MATK: variants seen among roughly 807,000 people sequenced by gnomAD.
The protein encoded by MATK is megakaryocyte-associated tyrosine-protein kinase.
A neutral mutation model predicts 59.8 loss-of-function variants in MATK; 41 were observed. The observed-to-expected ratio is 0.69, with a 90% CI of 0.53 to 0.89. The LOEUF is 0.89. Among genes scored for constraint, MATK ranks in the 40% least tolerant of loss-of-function variants. MATK has a pLI of 0.00. For missense variants in MATK, 593 were observed against 719.6 expected, an observed-to-expected ratio of 0.82 and a Z score of 2.01; for synonymous variants, 308 against 306.1, an observed-to-expected ratio of 1.01 and a Z score of -0.06.
rs2037542937 is a variant in MATK at position 3,791,640 on chromosome 19, G to GCCTCCA, written c.-57-2242_-57-2237dup. On this transcript the variant is annotated intron_variant, in intron 1 of 13. Coordinates refer to the MATK transcript ENST00000395045. ...TTACAGGCGTGAGCCACCGCACCCAGCCTCCACCTCCTCCCCTTCTTGAGT... is the reference window on the plus strand; with the variant it reads ...TTACAGGCGTGAGCCACCGCACCCAGCCTCCACCTCCACCTCCTCCCCTTCTTGAGT... 5.4e-5 allele frequency among the ~76,000 whole-genome samples: 8 copies of GCCTCCA among 148,864 alleles called. No individual in the cohort carries two copies. In the South Asian group the frequency reaches 1.9e-3, roughly 35 times the overall value.
In MATK at chr19:3,778,165, G is replaced by A. The variant is rs752330368; in HGVS notation, c.*18C>T. Reference sequence around the variant, plus strand: ...CACTCTCTCGGTCCTCTGGGGCCAAGGGCCCCACCGGGTGGGGTCAGGGCT... The same window carrying A: ...CACTCTCTCGGTCCTCTGGGGCCAAAGGCCCCACCGGGTGGGGTCAGGGCT... On this transcript the variant is annotated 3_prime_UTR_variant, in exon 14 of 14. Transcript: ENST00000310132. 3 of 1,540,972 alleles carry A rather than the reference G, an allele frequency of 1.9e-6. No individual in the cohort carries two copies. The highest frequency in any genetic ancestry group is 2.6e-6 in the Non-Finnish European group (3 of 1,148,480).
chr19:3,788,745 G>A (rs2037513956), upstream of MATK, among the ~76,000 whole-genome samples: 1 of 151,862 alleles, frequency 6.6e-6, no homozygotes, highest in African/African-American at 2.4e-5. Flanking sequence ...CCAGATATGA[G>A]CCACTGCACT....
At chr19:3,783,628 T>C (rs922153505) in intron 6 of MATK, among the ~76,000 whole-genome samples, 186 bp downstream of exon 6, 3 of 151,932 alleles carry the variant, frequency 2.0e-5, no homozygotes, top group African/African-American at 7.2e-5. Flanking sequence ...CATCTCCACA[T>C]TGGGGAAGCA....
At chr19:3,782,693 A>G in intron 7 of MATK, 1 of 184,808 alleles carries the variant, frequency 5.4e-6, no homozygotes, top group Non-Finnish European at 1.1e-5. Flanking sequence ...GTTTCATGAT[A>G]GAAAGATAAC....
rs534419325 is a variant in MATK at position 3,783,198 on chromosome 19, C to A, written c.604G>T (p.Ala202Ser). The change falls in exon 7 of 14, where the codon GCT (alanine) becomes TCT (serine). Residue 202 changes from alanine (A) to serine (S), a missense_variant. Coordinates refer to ENST00000310132, the MANE Select transcript of MATK (RefSeq NM_139355.3). ...MVEHYSKDKG[A>S]ICTKLVRPKR... ...GGTCTCACCAGCTTGGTGCAGATAG[C>A]GCCCTTGTCCTTGCTGTAATGCTGC... 9.9e-6 allele frequency: 16 copies of A among 1,613,654 alleles called. No homozygotes were observed. The highest frequency in any genetic ancestry group is 1.2e-5 in the Non-Finnish European group (14 of 1,179,856).
At chr19:3,796,565 G>A (rs2037596552) in intron 1 of MATK, among the ~76,000 whole-genome samples, 1 of 152,134 alleles carries the variant, frequency 6.6e-6, no homozygotes, top group South Asian at 2.1e-4. Flanking sequence ...TTTCCCTGGA[G>A]TTAGTCATCG....
chr19:3,783,078 G>C (rs754919373), intron 7 of MATK, 48 bp downstream of exon 7: 1 of 1,585,154 alleles, frequency 6.3e-7, no homozygotes, highest in Non-Finnish European at 8.6e-7. Flanking sequence ...TCCCGGACTG[G>C]GCTAACGTGG....
upstream of MATK, among the ~76,000 whole-genome samples, chr19:3,788,846 C>T (rs1001167938): frequency 3.3e-5 from 5 of 151,924 alleles, no homozygotes; most frequent in African/African-American, 1.2e-4. Flanking sequence ...CACATGCCAC[C>T]ACACCCAGCT....
chr19:3,783,094 G>T, intron 7 of MATK, 32 bp downstream of exon 7: 1 of 1,607,516 alleles, frequency 6.2e-7, no homozygotes, highest in Non-Finnish European at 8.5e-7. Flanking sequence ...CGTGGGTAGG[G>T]AAGGGGGTCT....
Position 3,784,018 on chromosome 19 carries a change from C to A in MATK, c.378G>T (p.Lys126Asn), listed in dbSNP as rs746172779. 2 of 1,606,610 alleles carry A rather than the reference C, an allele frequency of 1.2e-6. No individual in the cohort carries two copies. Among genetic ancestry groups the A allele is most frequent in the South Asian group, 2.2e-5 (2 of 90,624 alleles). Reference sequence around the variant, plus strand: ...GCTGGACAGCCTCCTGGCCCGAGATCTTCCCGTGGAACCACCTGCGGCCAC... The same window carrying A: ...GCTGGACAGCCTCCTGGCCCGAGATATTCCCGTGGAACCACCTGCGGCCAC... Reference protein sequence around the residue: ...KLSLMPWFHGKISGQEAVQQL... With the variant: ...KLSLMPWFHGNISGQEAVQQL... The change falls in exon 6 of 14, where the codon AAG (lysine) becomes AAT (asparagine). Residue 126 changes from lysine to asparagine, a missense_variant. Coordinates refer to ENST00000310132, the MANE Select transcript of MATK (RefSeq NM_139355.3).
intron 1 of MATK, among the ~76,000 whole-genome samples, chr19:3,799,320 T>G (rs1456324025): frequency 6.6e-6 from 1 of 152,032 alleles, no homozygotes; most frequent in Non-Finnish European, 1.5e-5. Context: ...AGCTGATAAG[T>G]TAAAGGGCCA....
chr19:3,789,386 C>T, upstream of MATK: 1 of 719,548 alleles, frequency 1.4e-6, no homozygotes, highest in South Asian at 1.5e-5. Flanking sequence ...CCCATGAAGA[C>T]TTTCTCCTCT....
upstream of MATK, among the ~76,000 whole-genome samples, chr19:3,790,758 A>C (rs2037533039): frequency 6.6e-6 from 1 of 152,102 alleles, no homozygotes; most frequent in Admixed American, 6.6e-5. Context: ...CACACAACTC[A>C]TGTGGCACCA....
At chr19:3,794,389 C>T (rs758817591) in intron 1 of MATK, among the ~76,000 whole-genome samples, 3 of 152,174 alleles carry the variant, frequency 2.0e-5, no homozygotes, top group Non-Finnish European at 4.4e-5. Flanking sequence ...CATGAAGGCT[C>T]ACGCTTGCAA....
At chr19:3,781,049 G>T (rs2037394485) in intron 8 of MATK, among the ~76,000 whole-genome samples, 1 of 152,176 alleles carries the variant, frequency 6.6e-6, no homozygotes, top group Non-Finnish European at 1.5e-5. Context: ...TGTTTAAATG[G>T]TTGTAAAAAC....
rs750290757 is a variant in MATK, at chr19:3,778,256, C to G, written c.1451G>C (p.Ser484Thr). The stretch of plus-strand genomic sequence containing the variant: ...TGAGACGGAGGCTGGGGCACCTGCA[C>G]TGCGTAGCTCCCGGGCCAGCTTCTC... ...LAEKLARELR[S>T]AGAPASVSGQ... Residue 484 changes from serine (S) to threonine (T), a missense_variant, in exon 14 of 14, where the codon AGT becomes ACT. Ser to Thr is a moderately conservative substitution (Grantham distance 58). Coordinates refer to ENST00000310132, the MANE Select transcript of MATK (RefSeq NM_139355.3). The G allele has an allele frequency of 6.4e-7, 1 of 1,574,004 alleles. No individual in the cohort carries two copies. Among genetic ancestry groups the G allele is most frequent in the Non-Finnish European group, 8.6e-7 (1 of 1,168,112 alleles).
chr19:3,784,390 C>T lies in MATK; in HGVS notation c.194G>A (p.Gly65Glu). 5 of 1,609,380 alleles carry T rather than the reference C, an allele frequency of 3.1e-6. No homozygotes were observed. Among genetic ancestry groups the T allele is most frequent in the East Asian group, 2.2e-5 (1 of 44,762 alleles). The change falls in exon 4 of 14, where the codon GGG (glycine) becomes GAG (glutamate). Residue 65 changes from glycine to glutamate, a missense_variant. Coordinates refer to ENST00000310132, the MANE Select transcript of MATK (RefSeq NM_139355.3). Reference sequence around the variant, plus strand: ...GTCGCCCTTGCGGAAGGCCAGCTCCCCTGGCTTGGGGCGGGTGTGCTCGCA... The same window carrying T: ...GTCGCCCTTGCGGAAGGCCAGCTCCTCTGGCTTGGGGCGGGTGTGCTCGCA... ...TKCEHTRPKP[G>E]ELAFRKGDVV... is the part of the protein sequence containing the mutation.
chr19:3,801,159 T>G (rs1033979098), intron 1 of MATK, among the ~76,000 whole-genome samples: 21 of 152,172 alleles, frequency 1.4e-4, no homozygotes, highest in African/African-American at 5.1e-4. Flanking sequence ...TGCATTTCGT[T>G]TGCAAAATTT....
At chr19:3,796,747 TG>T (rs1205657604) in intron 1 of MATK, among the ~76,000 whole-genome samples, 1 of 152,112 alleles carries the variant, frequency 6.6e-6, no homozygotes, top group African/African-American at 2.4e-5. Context: ...CCCTGTTTCT[TG>T]GTTTGGTCCC....
Sources: gnomAD v4.1 joint callset for allele counts (sites outside exome capture counted in the v4.1 genomes callset) on GRCh38, gnomAD v4.1.1 for gene constraint, MANE v1.5 for transcripts, NCBI Gene and HGNC (gene_info 2026-07-23, HGNC 2026-07-21) for gene names.